The following TBC1D13 variants were observed in gnomAD, a reference collection of about 807,000 sequenced individuals.
TBC1D13 encodes the protein TBC1 domain family member 13, also known as epididymis secretory sperm binding protein.
A neutral mutation model predicts 53.6 loss-of-function variants in TBC1D13; 40 were observed. The ratio of observed to expected loss-of-function variants is 0.75; its 90% confidence interval spans 0.58 to 0.97. The LOEUF (loss-of-function observed/expected upper bound fraction) is 0.97. Among genes scored for constraint, TBC1D13 ranks in the 50% least tolerant of loss-of-function variants. The pLI, the probability that TBC1D13 is intolerant of heterozygous loss-of-function variation, is 0.00. For synonymous variants in TBC1D13, 182 were observed against 197.7 expected (o/e 0.92, Z 0.67); for missense variants, 377 against 499.4 (o/e 0.75, Z 2.34).
At position 128,810,277 on chromosome 9, in the gene TBC1D13, T is replaced by A. The variant is rs1405656421; in HGVS notation, c.*2398T>A. On this transcript the variant is annotated 3_prime_UTR_variant, in exon 12 of 12. Transcript: ENST00000372648. ...CCTGCTTGAGAACCTGCCCCCTGGA[T>A]CTTGGACACTTACAGATTGAGCTGT... is the stretch of plus-strand genomic sequence containing the variant. The A allele has an allele frequency of 6.6e-6, 1 of 152,218 alleles. No homozygotes were observed. The highest frequency in any genetic ancestry group is 2.4e-5 in the African/African-American group (1 of 41,448). The allele number at this position is 152,218 out of a possible 1,614,324, so 9.4% of individuals were successfully genotyped here.
At chr9:128,790,101 AC>A (rs1829503249) in intron 2 of TBC1D13, among the ~76,000 whole-genome samples, 1 of 151,536 alleles carries the variant, frequency 6.6e-6, no homozygotes, top group Admixed American at 6.6e-5. Context: ...TACTAAAAAT[AC>A]AAAAATTAGC....
At chr9:128,805,554 C>T (rs763823548) in intron 9 of TBC1D13, among the ~76,000 whole-genome samples, 1 of 152,222 alleles carries the variant, frequency 6.6e-6, no homozygotes, top group Non-Finnish European at 1.5e-5. Flanking sequence ...CCAAGGCTAT[C>T]ATCTGCAAAG....
rs149785224 is a variant in TBC1D13 at position 128,797,332 on chromosome 9, G to T, written c.543+118G>T. 2,957 of 1,106,850 alleles carry T rather than the reference G, an allele frequency of 2.7e-3. 13 individuals are homozygous for T. The highest frequency in any genetic ancestry group is 5.8e-3 in the Middle Eastern group (19 of 3,296). The allele number at this position is 1,106,850 out of a possible 1,614,324, so 68.6% of individuals were successfully genotyped here. ...ACCATCTGCTTGACAGTTACTCAGC[G>T]CAATCCTGATGCTGCCAGATCCTGG... On this transcript the variant is annotated intron_variant, in intron 7 of 11. Coordinates refer to ENST00000372648, the MANE Select transcript of TBC1D13 (RefSeq NM_018201.5).
chr9:128,803,405 A>C lies in TBC1D13; in HGVS notation c.699A>C (p.Glu233Asp). 1 of 1,614,246 alleles carries C rather than the reference A, an allele frequency of 6.2e-7. No individual in the cohort carries two copies. The highest frequency in any genetic ancestry group is 8.5e-7 in the Non-Finnish European group (1 of 1,180,048). The change falls in exon 8 of 12, where the codon GAA becomes GAC. Residue 233 changes from glutamate to aspartate, a missense_variant. Physicochemically the swap from Glu to Asp is conservative, Grantham distance 45 (BLOSUM62 2). Coordinates refer to ENST00000372648, the MANE Select transcript of TBC1D13 (RefSeq NM_018201.5). ...TCGCTTATGTGCAAGGCATGAATGA[A>C]ATCGTGGGGCCCCTCTACTACACCT... The part of the protein sequence containing the change: ...PGIAYVQGMN[E>D]IVGPLYYTFA...
chr9:128,805,388 T>C (rs1407624393), intron 9 of TBC1D13, among the ~76,000 whole-genome samples: 1 of 152,186 alleles, frequency 6.6e-6, no homozygotes, highest in Non-Finnish European at 1.5e-5. Flanking sequence ...CAGTTAATAT[T>C]CACTGTGGCT....
Position 128,808,408 on chromosome 9 carries a change from C to CGTGTATGTGTGT in TBC1D13, c.*533_*534insATGTGTGTGTGT, listed in dbSNP as rs1829881906. 8.2e-6 allele frequency: 1 copy of CGTGTATGTGTGT among 121,720 alleles called. No individual in the cohort carries two copies. The highest frequency in any genetic ancestry group is 3.8e-5 in the African/African-American group (1 of 26,192). 7.5% of individuals were successfully genotyped at this position (121,720 alleles called of 1,614,324 possible). ...GGCCCAAGTCCCCAGGCATCTTCTC[C>CGTGTATGTGTGT]GTGTGTGTGTGTGTGTGTGTGTGTG... On this transcript the variant is annotated 3_prime_UTR_variant, in exon 12 of 12. Transcript: ENST00000372648.
chr9:128,787,918 TTG>T (rs1829459531), intron 1 of TBC1D13, among the ~76,000 whole-genome samples: 1 of 152,150 alleles, frequency 6.6e-6, no homozygotes, highest in Admixed American at 6.6e-5. Flanking sequence ...GCATGGTCCA[TTG>T]TCTGCATATC....
chr9:128,806,592 C>T (rs987374595), intron 11 of TBC1D13, among the ~76,000 whole-genome samples: 2 of 152,144 alleles, frequency 1.3e-5, no homozygotes, highest in South Asian at 4.1e-4. Flanking sequence ...AGAACATGGC[C>T]GTGCTTGCTG....
Position 128,788,640 on chromosome 9 carries a change from CCCTAAGCTTT to C in TBC1D13, c.97+246_97+255del, listed in dbSNP as rs1419612992. 3.9e-5 allele frequency among the ~76,000 whole-genome samples: 6 copies of C among 152,188 alleles called. No individual in the cohort carries two copies. In the East Asian group the frequency reaches 9.6e-4, roughly 24 times the overall value. ...AGGGGCAGTGGCCACACTTAGCATG[CCCTAAGCTTT>C]CCTAAGCTTTCCGCAGGAGGTGCCA... On this transcript the variant is annotated intron_variant, in intron 2 of 11. Coordinates refer to ENST00000372648, the MANE Select transcript of TBC1D13 (RefSeq NM_018201.5).
intron 6 of TBC1D13, among the ~76,000 whole-genome samples, chr9:128,793,199 G>A (rs1829566009): frequency 6.6e-6 from 1 of 152,246 alleles, no homozygotes; most frequent in African/African-American, 2.4e-5. Flanking sequence ...AGGCCAGGGT[G>A]GGAGATAGGG....
intron 9 of TBC1D13, among the ~76,000 whole-genome samples, chr9:128,805,266 G>A (rs1449967173): frequency 6.6e-6 from 1 of 152,126 alleles, no homozygotes; most frequent in Admixed American, 6.5e-5. Flanking sequence ...GGTCAAGGCT[G>A]CAGTGAGCCA....
rs1454720742 is a variant in TBC1D13 at position 128,809,291 on chromosome 9, GT to G, written c.*1414del. ...GAGCAGGGGCAGCTGGCCACTCCCA[GT>G]TCTCACCAAGTCACCTCCCTCCTTG... On this transcript the variant is annotated 3_prime_UTR_variant, in exon 12 of 12. Transcript: ENST00000372648. The G allele has an allele frequency of 1.3e-5, 2 of 152,406 alleles. No individual in the cohort carries two copies. Among genetic ancestry groups the G allele is most frequent in the African/African-American group, 2.4e-5 (1 of 41,470 alleles). 9.4% of individuals were successfully genotyped at this position (152,406 alleles called of 1,614,324 possible).
rs1185858844 is a variant in TBC1D13, at chr9:128,808,150, C to T, written c.*271C>T. The T allele has an allele frequency of 2.2e-6, 1 of 457,764 alleles. No homozygotes were observed. Among genetic ancestry groups the T allele is most frequent in the Non-Finnish European group, 4.0e-6 (1 of 247,974 alleles). 28.4% of individuals were successfully genotyped at this position (457,764 alleles called of 1,614,324 possible). A position where few individuals can be genotyped will look rare whatever the true frequency, so the allele number is the denominator to read the frequency against. ...TGTCCTTCCTGGGCCAGGGCCGTTT[C>T]TGGCACTGGGAGGCTGGCAGGGGCC... On this transcript the variant is annotated 3_prime_UTR_variant, in exon 12 of 12. Coordinates refer to ENST00000372648, the MANE Select transcript of TBC1D13 (RefSeq NM_018201.5).
intron 11 of TBC1D13, among the ~76,000 whole-genome samples, chr9:128,807,590 A>G (rs1035242978): frequency 1.3e-5 from 2 of 152,144 alleles, no homozygotes; most frequent in African/African-American, 4.8e-5. Flanking sequence ...GGGCCGCAAG[A>G]GCCTGGGAGT....
At chr9:128,793,245 A>G (rs750928965) in intron 6 of TBC1D13, among the ~76,000 whole-genome samples, 56 of 152,284 alleles carry the variant, frequency 3.7e-4, no homozygotes, top group Non-Finnish European at 5.9e-4. Context: ...AGCATGAGGC[A>G]GCCATGCAAA....
At chr9:128,793,986 G>A (rs1025420328) in intron 6 of TBC1D13, among the ~76,000 whole-genome samples, 9 of 152,220 alleles carry the variant, frequency 5.9e-5, no homozygotes, top group African/African-American at 1.4e-4. Flanking sequence ...AAACAGATAT[G>A]TAATTGCAAA....
chr9:128,791,290 G>A (rs1437243859), intron 3 of TBC1D13, 90 bp from the exon 4 acceptor site: 1 of 1,220,194 alleles, frequency 8.2e-7, no homozygotes, highest in African/African-American at 1.5e-5. Flanking sequence ...GACTTTATGA[G>A]ATGTTTTTCT....
Position 128,792,502 on chromosome 9 carries a change from C to T in TBC1D13, c.311C>T (p.Pro104Leu), listed in dbSNP as rs1829552342. 6.2e-7 allele frequency: 1 copy of T among 1,614,098 alleles called. No homozygotes were observed. The highest frequency in any genetic ancestry group is 8.5e-7 in the Non-Finnish European group (1 of 1,179,980). Residue 104 changes from proline to leucine, a missense_variant, in exon 6 of 12, where the codon CCC (proline) becomes CTC (leucine). Coordinates refer to ENST00000372648, the MANE Select transcript of TBC1D13 (RefSeq NM_018201.5). ...DVTFEDHPLN[P>L]NPDSRWNTYF... is the part of the protein sequence containing the mutation. ...CATTTCTCCCCACAGCCACTCAACC[C>T]CAACCCTGACAGCCGGTGGAACACG...
intron 8 of TBC1D13, 50 bp from the exon 9 acceptor site, chr9:128,803,905 TG>T: frequency 6.2e-7 from 1 of 1,600,300 alleles, no homozygotes; most frequent in Non-Finnish European, 8.5e-7. Context: ...AGGTGAGAGG[TG>T]GGGTGGGCCT....
Sources: gnomAD v4.1 joint callset for allele counts (sites outside exome capture counted in the v4.1 genomes callset) on GRCh38, gnomAD v4.1.1 for gene constraint, MANE v1.5 for transcripts, NCBI Gene and HGNC (gene_info 2026-07-23, HGNC 2026-07-21) for gene names.